The following FYCO1 variants were observed in gnomAD, a reference collection of about 807,000 sequenced individuals.
The protein encoded by FYCO1 is FYVE and coiled-coil domain-containing protein 1.
Under a neutral mutation model 165.1 loss-of-function variants are expected in FYCO1, and 122 were observed. That is an observed-to-expected ratio of 0.74 (90% CI 0.64 to 0.86). The LOEUF (loss-of-function observed/expected upper bound fraction) is 0.86, where lower values mean the gene tolerates loss of function less well. Among genes scored for constraint, FYCO1 ranks in the 40% least tolerant of loss-of-function variants. The pLI, the probability that FYCO1 is intolerant of heterozygous loss-of-function variation, is 0.00. For synonymous variants in FYCO1, 648 were observed against 742.5 expected (o/e 0.87, Z 2.07); for missense variants, 1,702 against 1,810.3 (o/e 0.94, Z 1.09).
chr3:45,989,652 C>G (rs1232395408), intron 1 of FYCO1, among the ~76,000 whole-genome samples: 3 of 152,250 alleles, frequency 2.0e-5, no homozygotes, highest in Non-Finnish European at 4.4e-5. Flanking sequence ...CATCTTCTCT[C>G]TTTCATAAAG....
At chr3:45,984,137 G>A (rs1707196790) in intron 2 of FYCO1, among the ~76,000 whole-genome samples, 1 of 152,186 alleles carries the variant, frequency 6.6e-6, no homozygotes, top group African/African-American at 2.4e-5. Context: ...AGAGCTTAAA[G>A]GTCAGCACTG....
intron 11 of FYCO1, among the ~76,000 whole-genome samples, chr3:45,960,269 C>A (rs1049857044): frequency 1.2e-4 from 19 of 152,198 alleles, no homozygotes. Context: ...AGCTAGCATC[C>A]TCAGGGCTAA....
chr3:45,949,259 G>A (rs1347672345), intron 14 of FYCO1, among the ~76,000 whole-genome samples: 1 of 152,170 alleles, frequency 6.6e-6, no homozygotes, highest in Non-Finnish European at 1.5e-5. Context: ...TACAAAATCT[G>A]CCCTTTTAGG....
chr3:45,935,395 A>G (rs537990908), intron 15 of FYCO1, among the ~76,000 whole-genome samples: 12 of 152,296 alleles, frequency 7.9e-5, no homozygotes, highest in African/African-American at 2.9e-4. Flanking sequence ...AAGTCCTTAC[A>G]ATGGCCAACA....
At chr3:45,951,485 C>A (rs1994488) in intron 14 of FYCO1, among the ~76,000 whole-genome samples, 2 of 151,900 alleles carry the variant, frequency 1.3e-5, no homozygotes, top group Admixed American at 6.6e-5. Context: ...GAGGCCATGA[C>A]TGGGTAGAGG....
At chr3:45,991,098 A>G (rs1333737854) in intron 1 of FYCO1, among the ~76,000 whole-genome samples, 2 of 152,242 alleles carry the variant, frequency 1.3e-5, no homozygotes, top group Admixed American at 1.3e-4. Flanking sequence ...CATTTTTAAA[A>G]AAATTCTATT....
chr3:45,967,546 C>T lies in FYCO1; in HGVS notation c.1788G>A (p.Gln596=), dbSNP rs1706139281. The T allele has an allele frequency of 6.2e-7, 1 of 1,613,824 alleles. No individual in the cohort carries two copies. Among genetic ancestry groups the T allele is most frequent in the Non-Finnish European group, 8.5e-7 (1 of 1,179,952 alleles). Residue 596 remains glutamine, a synonymous_variant, in exon 8 of 18, where the codon CAG becomes CAA. Coordinates refer to ENST00000296137, the MANE Select transcript of FYCO1 (RefSeq NM_024513.4). Reference sequence around the variant, plus strand: ...CCTTGGTATCGTCTAACTGTGCCTCCTGCAGGCCCCTCTGCTCCTCCTCTG... The same window carrying T: ...CCTTGGTATCGTCTAACTGTGCCTCTTGCAGGCCCCTCTGCTCCTCCTCTG... ...GKPEEEQRGL[Q]EAQLDDTKVQ...
At chr3:45,942,022 T>G (rs529378103) in intron 14 of FYCO1, among the ~76,000 whole-genome samples, 3 of 152,374 alleles carry the variant, frequency 2.0e-5, no homozygotes, top group Non-Finnish European at 2.9e-5. Flanking sequence ...TCCATCGGTA[T>G]GTAGTCTATG....
chr3:45,975,896 G>A lies in FYCO1; in HGVS notation c.289-551C>T, dbSNP rs187306725. Among the ~76,000 whole-genome samples the A allele has an allele frequency of 3.3e-5, 5 of 152,316 alleles. No individual in the cohort carries two copies. In the East Asian group the frequency reaches 9.6e-4, roughly 29 times the overall value. ...CAGAAACATGTGCAGAAGGAGGAAG[G>A]GAGGGACAAGGGCAGAGGTGCGTGA... On this transcript the variant is annotated intron_variant, in intron 4 of 17. Coordinates refer to ENST00000296137, the MANE Select transcript of FYCO1 (RefSeq NM_024513.4).
intron 14 of FYCO1, chr3:45,946,582 T>G (rs568034727): frequency 6.2e-7 from 1 of 1,614,256 alleles, no homozygotes; most frequent in South Asian, 1.1e-5. Context: ...AAGGTCTTTC[T>G]GCCCTGCATG....
intron 15 of FYCO1, among the ~76,000 whole-genome samples, chr3:45,935,868 T>A (rs530369888): frequency 6.6e-6 from 1 of 152,298 alleles, no homozygotes; most frequent in South Asian, 2.1e-4. Context: ...TTAATAAATA[T>A]CTGTGAATGA....
intron 14 of FYCO1, among the ~76,000 whole-genome samples, chr3:45,939,277 C>T (rs936938): frequency 0.38 from 57,473 of 152,106 alleles, 11,800 homozygotes; most frequent in East Asian, 0.66. Flanking sequence ...CATTATTTGT[C>T]TCAGGGTAAG....
chr3:45,980,743 A>G (rs554138933), intron 3 of FYCO1, among the ~76,000 whole-genome samples: 1 of 152,354 alleles, frequency 6.6e-6, no homozygotes, highest in Admixed American at 6.5e-5. Context: ...TCTTTCTATA[A>G]CATTTTATAG....
chr3:45,946,890 G>A (rs1405516942), intron 14 of FYCO1: 1 of 1,614,218 alleles, frequency 6.2e-7, no homozygotes, highest in Non-Finnish European at 8.5e-7. Flanking sequence ...GGCCACCAAG[G>A]CCTACAACCA....
chr3:45,970,065 G>A (rs1706332644), intron 6 of FYCO1, among the ~76,000 whole-genome samples: 1 of 152,164 alleles, frequency 6.6e-6, no homozygotes, highest in East Asian at 1.9e-4. Context: ...GCCTGCCTCA[G>A]TTTGTCTGCC....
At chr3:45,947,906 C>T (rs1419604344) in intron 14 of FYCO1, 1 of 228,072 alleles carries the variant, frequency 4.4e-6, no homozygotes, top group African/African-American at 2.3e-5. Context: ...GAAGGCTCTT[C>T]TGACTACTGG....
chr3:45,991,816 C>A lies in FYCO1; in HGVS notation c.-113+3906G>T, dbSNP rs368864858. Among the ~76,000 whole-genome samples, 80 of 152,348 alleles carry A rather than the reference C, an allele frequency of 5.3e-4. 5 individuals are homozygous for A. In the East Asian group the frequency reaches 6.4e-3, roughly 12 times the overall value. On this transcript the variant is annotated intron_variant, in intron 1 of 17. Coordinates refer to ENST00000296137, the MANE Select transcript of FYCO1 (RefSeq NM_024513.4). The stretch of plus-strand genomic sequence containing the variant: ...CCGCATTTCGATGTTGAAGCCCTAA[C>A]CCTCATACCTCAGAATGTGACTGCA...
intron 14 of FYCO1, among the ~76,000 whole-genome samples, chr3:45,942,174 A>G (rs771719586): frequency 1.7e-4 from 26 of 152,374 alleles, no homozygotes; most frequent in Non-Finnish European, 2.9e-4. Flanking sequence ...CCCCTGGCAC[A>G]GCTCCATACT....
At chr3:45,954,339 CT>C (rs1332937342) in intron 14 of FYCO1, among the ~76,000 whole-genome samples, 1 of 152,176 alleles carries the variant, frequency 6.6e-6, no homozygotes, top group Non-Finnish European at 1.5e-5. Flanking sequence ...CTGGACACCC[CT>C]GCTCTGATGC....
Sources: gnomAD v4.1 joint callset for allele counts (sites outside exome capture counted in the v4.1 genomes callset) on GRCh38, gnomAD v4.1.1 for gene constraint, MANE v1.5 for transcripts, NCBI Gene and HGNC (gene_info 2026-07-23, HGNC 2026-07-21) for gene names.